VEPH1: variants seen among roughly 807,000 people sequenced by gnomAD.
VEPH1 encodes ventricular zone-expressed PH domain-containing protein homolog 1.
VEPH1 carries 80 observed loss-of-function variants against 85.2 expected under a neutral mutation model. The observed-to-expected ratio is 0.94, with a 90% CI of 0.78 to 1.13. The LOEUF is 1.13. Among genes scored for constraint, VEPH1 ranks in the 50% most tolerant of loss-of-function variants. The probability of loss-of-function intolerance (pLI) is 0.00; values close to 1 mark genes in which losing one functional copy is unlikely to be tolerated. For missense variants in VEPH1, 955 were observed against 980.5 expected, an observed-to-expected ratio of 0.97 and a Z score of 0.35; for synonymous variants, 297 against 348.0, an observed-to-expected ratio of 0.85 and a Z score of 1.63.
chr3:157,348,415 AT>A (rs895110276), intron 9 of VEPH1, among the ~76,000 whole-genome samples: 7 of 148,352 alleles, frequency 4.7e-5, no homozygotes, highest in Admixed American at 1.3e-4. Flanking sequence ...AGCATTTGTT[AT>A]TTTTTTTTTC....
At chr3:157,479,983 T>C (rs67228252) in intron 2 of VEPH1, among the ~76,000 whole-genome samples, 27,602 of 151,826 alleles carry the variant, frequency 0.18, 2,954 homozygotes, top group East Asian at 0.36. Flanking sequence ...TTTCTTTTTC[T>C]TTTCACTTTC....
At chr3:157,483,690 T>C (rs1264821413) in intron 2 of VEPH1, among the ~76,000 whole-genome samples, 1 of 152,044 alleles carries the variant, frequency 6.6e-6, no homozygotes, top group South Asian at 2.1e-4. Context: ...GAATATAATA[T>C]CTCACATAGA....
At chr3:157,339,508 T>G (rs1438424893) in intron 9 of VEPH1, among the ~76,000 whole-genome samples, 1 of 152,136 alleles carries the variant, frequency 6.6e-6, no homozygotes, top group Non-Finnish European at 1.5e-5. Flanking sequence ...ACTGGACAAG[T>G]AGGGCAAAGG....
intron 7 of VEPH1, among the ~76,000 whole-genome samples, chr3:157,377,956 G>A (rs986517500): frequency 1.3e-5 from 2 of 151,942 alleles, no homozygotes; most frequent in African/African-American, 4.8e-5. Flanking sequence ...TCTCAGAAAT[G>A]TCAACTGGCC....
At position 157,342,509 on chromosome 3, in the gene VEPH1, G is replaced by A. The variant is rs535255383; in HGVS notation, c.1735+20855C>T. 3.9e-5 allele frequency among the ~76,000 whole-genome samples: 6 copies of A among 152,316 alleles called. No individual in the cohort carries two copies. The East Asian group carries it at 9.6e-4, about 24-fold the overall frequency. On this transcript the variant is annotated intron_variant, in intron 9 of 13. Transcript: ENST00000362010. ...AAATATACATGCATCCAATACATGA[G>A]CACTCAGGTTCATAAAGCAAGTCCT... is the stretch of plus-strand genomic sequence containing the variant.
chr3:157,289,845 CTGAG>C (rs1717255540), intron 11 of VEPH1, among the ~76,000 whole-genome samples: 2 of 152,188 alleles, frequency 1.3e-5, no homozygotes, highest in Non-Finnish European at 2.9e-5. Context: ...AAGTCACTGT[CTGAG>C]TATTTTTCAG....
intron 2 of VEPH1, among the ~76,000 whole-genome samples, chr3:157,488,432 A>G (rs752528970): frequency 2.0e-5 from 3 of 151,924 alleles, no homozygotes; most frequent in Non-Finnish European, 4.4e-5. Flanking sequence ...GGCATTTGAC[A>G]TCACTCTTTC....
At chr3:157,389,322 G>A (rs1729609240) in intron 6 of VEPH1, among the ~76,000 whole-genome samples, 1 of 151,878 alleles carries the variant, frequency 6.6e-6, no homozygotes, top group Admixed American at 6.6e-5. Context: ...TTTAAACAGT[G>A]AAATCACCAA....
chr3:157,502,595 A>G (rs1740200611), intron 1 of VEPH1, among the ~76,000 whole-genome samples: 1 of 152,226 alleles, frequency 6.6e-6, no homozygotes, highest in Admixed American at 6.5e-5. Flanking sequence ...CTTCATTTAC[A>G]TTTAAGTTTC....
chr3:157,369,192 A>ACAAAAAAAC (rs1553773116), intron 7 of VEPH1, among the ~76,000 whole-genome samples: 4 of 142,782 alleles, frequency 2.8e-5, no homozygotes, highest in Non-Finnish European at 6.2e-5. Context: ...AAAAAAAAAA[A>ACAAAAAAAC]AAAAAAAAAA....
rs542337687 is a variant in VEPH1 at position 157,403,163 on chromosome 3, T to C, written c.906+10718A>G. Among the ~76,000 whole-genome samples, 4 of 152,296 alleles carry C rather than the reference T, an allele frequency of 2.6e-5. No homozygotes were observed. In the South Asian group the frequency reaches 8.3e-4, roughly 32 times the overall value. On this transcript the variant is annotated intron_variant, in intron 6 of 13. Transcript: ENST00000362010. ...TTGAGAGTACAATTGTTACACGATT[T>C]TACATCATAGTGATAATACCTCTGT...
chr3:157,350,176 G>T (rs1187278728), intron 9 of VEPH1, among the ~76,000 whole-genome samples: 1 of 152,156 alleles, frequency 6.6e-6, no homozygotes, highest in Non-Finnish European at 1.5e-5. Flanking sequence ...CAGACACGTA[G>T]ACCAATGGAA....
At chr3:157,354,467 T>C (rs1013656566) in intron 9 of VEPH1, among the ~76,000 whole-genome samples, 1 of 152,100 alleles carries the variant, frequency 6.6e-6, no homozygotes, top group East Asian at 1.9e-4. Context: ...ACCACCCTAA[T>C]CTAGGGTGCC....
chr3:157,397,758 T>A (rs1192099661), intron 6 of VEPH1, among the ~76,000 whole-genome samples: 1 of 152,128 alleles, frequency 6.6e-6, no homozygotes, highest in East Asian at 1.9e-4. Flanking sequence ...CTAATCATAT[T>A]CCTTCCAAGT....
intron 12 of VEPH1, among the ~76,000 whole-genome samples, chr3:157,268,434 ACAAAATACCAAAGC>A (rs1276796938): frequency 6.6e-6 from 1 of 152,180 alleles, no homozygotes; most frequent in African/African-American, 2.4e-5. Context: ...AACAACAAAA[ACAAAATACCAAAGC>A]CAAAATTAAT....
intron 4 of VEPH1, among the ~76,000 whole-genome samples, chr3:157,446,328 C>G (rs2109273323): frequency 6.6e-6 from 1 of 152,122 alleles, no homozygotes; most frequent in East Asian, 1.9e-4. Flanking sequence ...GTTTTTCACT[C>G]TAGTATGTAT....
At chr3:157,328,668 G>A (rs1188698114) in intron 9 of VEPH1, among the ~76,000 whole-genome samples, 1 of 152,174 alleles carries the variant, frequency 6.6e-6, no homozygotes, top group Admixed American at 6.5e-5. Flanking sequence ...ATGTGCAAGT[G>A]AGACTTTTGA....
chr3:157,341,779 G>C (rs1577383503), intron 9 of VEPH1, among the ~76,000 whole-genome samples: 1 of 151,676 alleles, frequency 6.6e-6, no homozygotes, highest in East Asian at 1.9e-4. Flanking sequence ...CAGAGAGAAA[G>C]GTCGGGTTAC....
intron 9 of VEPH1, among the ~76,000 whole-genome samples, chr3:157,318,665 G>T (rs1559954437): frequency 9.0e-6 from 1 of 110,970 alleles, no homozygotes; most frequent in Non-Finnish European, 2.1e-5. Flanking sequence ...TGAAAGAAAA[G>T]GAAAGAAAGA....
Sources: allele counts gnomAD v4.1 joint callset (sites outside exome capture counted in the v4.1 genomes callset), GRCh38; gene constraint gnomAD v4.1.1; transcripts MANE v1.5; gene names NCBI Gene and HGNC (gene_info 2026-07-23, HGNC 2026-07-21).